The following PCBP3 variants were observed in gnomAD, a reference collection of about 807,000 sequenced individuals.
The protein encoded by PCBP3 is poly(rC) binding protein 3, also known as poly(rC)-binding protein 3.
In PCBP3, 25 loss-of-function variants were observed where a neutral mutation model predicts 52.7. The observed-to-expected ratio is 0.47, with a 90% CI of 0.35 to 0.66. PCBP3 has a LOEUF of 0.66. Ranked by LOEUF, PCBP3 falls within the 30% of genes least tolerant of loss-of-function variation. The pLI, the probability that PCBP3 is intolerant of heterozygous loss-of-function variation, is 0.01. For synonymous variants in PCBP3, 162 were observed against 183.0 expected (o/e 0.89, Z 0.93); for missense variants, 391 against 490.3 (o/e 0.80, Z 1.91).
At chr21:45,655,816 A>G (rs1286487004) in intron 1 of PCBP3, among the ~76,000 whole-genome samples, 1 of 152,244 alleles carries the variant, frequency 6.6e-6, no homozygotes. Context: ...TTTTCAAGAA[A>G]AAAAAACCCA....
chr21:45,767,217 C>T lies in PCBP3; in HGVS notation c.-126+11765C>T, dbSNP rs529876579. On this transcript the variant is annotated intron_variant, in intron 4 of 17. Transcript: ENST00000681687. The stretch of plus-strand genomic sequence containing the variant: ...TGCCCGTTAAGCAGTCCCTCCCAAT[C>T]CCCCCTTTCCCCAGCCCCTGGCAGC... 2.0e-5 allele frequency among the ~76,000 whole-genome samples: 3 copies of T among 152,220 alleles called. No homozygotes were observed. In the East Asian group the frequency reaches 5.8e-4, roughly 29 times the overall value.
At position 45,928,405 on chromosome 21, in the gene PCBP3, C is replaced by T. The variant is rs1483954369; in HGVS notation, c.718-1512C>T. Reference sequence around the variant, plus strand: ...AGGGCTGGGGAGCAGGCCCCCCGATCCTCCCAGGGTACTAGGTACTGAGGA... The same window carrying T: ...AGGGCTGGGGAGCAGGCCCCCCGATTCTCCCAGGGTACTAGGTACTGAGGA... On this transcript the variant is annotated intron_variant, in intron 13 of 17. Transcript: ENST00000681687. The surrounding 1 kb of genome is among the most constrained non-coding windows in gnomAD (Gnocchi z 4.1). 6.6e-6 allele frequency among the ~76,000 whole-genome samples: 1 copy of T among 152,174 alleles called. No individual in the cohort carries two copies. The highest frequency in any genetic ancestry group is 1.5e-5 in the Non-Finnish European group (1 of 68,010).
At chr21:45,908,124 C>T (rs1436420516) in intron 9 of PCBP3, among the ~76,000 whole-genome samples, 4 of 152,136 alleles carry the variant, frequency 2.6e-5, no homozygotes, top group African/African-American at 9.7e-5. Flanking sequence ...AAATGTTCCC[C>T]CAGGGCAGCC....
rs149809550 is a variant in PCBP3, at chr21:45,938,669, G to T, written c.910-1361G>T. Among the ~76,000 whole-genome samples the T allele has an allele frequency of 4.6e-5, 7 of 152,318 alleles. 1 individual carries two copies. The South Asian group carries it at 1.2e-3, about 27-fold the overall frequency. ...GATGTGGGTGGGGTCTGAGAGGTGTGGGGGAGCCCAGAGATGCAGCAGGAG... is the reference window on the plus strand; with the variant it reads ...GATGTGGGTGGGGTCTGAGAGGTGTTGGGGAGCCCAGAGATGCAGCAGGAG... On this transcript the variant is annotated intron_variant, in intron 16 of 17. Coordinates refer to ENST00000681687, the MANE Select transcript of PCBP3 (RefSeq NM_001384156.1).
At chr21:45,867,464 C>A (rs1468899496) in intron 5 of PCBP3, among the ~76,000 whole-genome samples, 1 of 151,080 alleles carries the variant, frequency 6.6e-6, no homozygotes, top group Non-Finnish European at 1.5e-5. Flanking sequence ...CCCTGGCGCA[C>A]CTGCTACCCC....
chr21:45,818,405 G>T (rs961254222), intron 4 of PCBP3, among the ~76,000 whole-genome samples: 2 of 152,134 alleles, frequency 1.3e-5, no homozygotes, highest in Non-Finnish European at 2.9e-5. Context: ...CCAGTGACAC[G>T]TGTCCCTGTC....
chr21:45,726,597 C>T (rs1233169423), intron 2 of PCBP3, among the ~76,000 whole-genome samples: 1 of 152,188 alleles, frequency 6.6e-6, no homozygotes, highest in Non-Finnish European at 1.5e-5. Flanking sequence ...CCCGCCAGGC[C>T]TGTCCATCTG....
At chr21:45,784,606 G>A (rs13047786) in intron 4 of PCBP3, among the ~76,000 whole-genome samples, 26,255 of 151,870 alleles carry the variant, frequency 0.17, 2,845 homozygotes, top group Non-Finnish European at 0.24. Flanking sequence ...AATTGCAGGC[G>A]CGCGCCGCCA....
chr21:45,731,422 C>T (rs940090123), intron 2 of PCBP3, among the ~76,000 whole-genome samples: 57 of 152,308 alleles, frequency 3.7e-4, no homozygotes, highest in African/African-American at 1.2e-3. Context: ...CTTCTACATA[C>T]ATCACAGGTA....
chr21:45,724,608 T>C lies in PCBP3; in HGVS notation c.-199-10784T>C, dbSNP rs1318684899. Among the ~76,000 whole-genome samples the C allele has an allele frequency of 6.6e-6, 1 of 152,118 alleles. No homozygotes were observed. The highest frequency in any genetic ancestry group is 1.5e-5 in the Non-Finnish European group (1 of 68,020). On this transcript the variant is annotated intron_variant, in intron 2 of 17. Coordinates refer to ENST00000681687, the MANE Select transcript of PCBP3 (RefSeq NM_001384156.1). This position sits in a 1 kb window ranked among gnomAD's most constrained non-coding sequence, Gnocchi z 5.3. The stretch of plus-strand genomic sequence containing the variant: ...TGATTTGAGGTGTTAGCGGTGTCAC[T>C]GTAAGTGTGAGAATGAGAAGCGGTG...
At chr21:45,679,081 T>A (rs1346459588) in intron 2 of PCBP3, among the ~76,000 whole-genome samples, 1 of 143,550 alleles carries the variant, frequency 7.0e-6, no homozygotes, top group African/African-American at 2.6e-5. Context: ...TGTTAGCATT[T>A]TTTTTTTTTT....
At chr21:45,785,550 G>A (rs1015828457) in intron 4 of PCBP3, among the ~76,000 whole-genome samples, 1 of 151,454 alleles carries the variant, frequency 6.6e-6, no homozygotes, top group Non-Finnish European at 1.5e-5. Flanking sequence ...CCCCATCCGG[G>A]AGGTGAGGGG....
At chr21:45,691,462 G>A (rs2082474605) in intron 2 of PCBP3, among the ~76,000 whole-genome samples, 1 of 144,952 alleles carries the variant, frequency 6.9e-6, no homozygotes, top group East Asian at 2.0e-4. Flanking sequence ...ATGTATGTGT[G>A]TGTGTGTGTG....
chr21:45,693,352 G>A (rs1022214852), intron 2 of PCBP3, among the ~76,000 whole-genome samples: 42 of 152,194 alleles, frequency 2.8e-4, no homozygotes, highest in African/African-American at 9.9e-4. Context: ...TATAGTATAT[G>A]ATTCCATTAA....
chr21:45,845,510 A>G (rs754472289), intron 4 of PCBP3, among the ~76,000 whole-genome samples: 1 of 147,016 alleles, frequency 6.8e-6, no homozygotes, highest in Admixed American at 6.8e-5. Context: ...CCGCGTGTAC[A>G]CGTTTGTGAG....
chr21:45,693,211 C>T (rs908683550), intron 2 of PCBP3, among the ~76,000 whole-genome samples: 1 of 152,072 alleles, frequency 6.6e-6, no homozygotes, highest in African/African-American at 2.4e-5. Context: ...CACTTACCTC[C>T]TAAGACTACC....
At position 45,803,666 on chromosome 21, in the gene PCBP3, C is replaced by T. The variant is rs557006666; in HGVS notation, c.-125-46295C>T. On this transcript the variant is annotated intron_variant, in intron 4 of 17. Transcript: ENST00000681687. The stretch of plus-strand genomic sequence containing the variant: ...GCACAGTGCTTGGCTCTGATGCCCA[C>T]CCCAGGGTCCCTGGGCACTGCCAAG... Among the ~76,000 whole-genome samples, 7 of 152,320 alleles carry T rather than the reference C, an allele frequency of 4.6e-5. No homozygotes were observed. In the South Asian group the frequency reaches 1.5e-3, roughly 32 times the overall value.
chr21:45,900,450 A>G, intron 7 of PCBP3, 141 bp from the exon 8 acceptor site: 1 of 661,962 alleles, frequency 1.5e-6, no homozygotes, highest in Non-Finnish European at 2.8e-6. Flanking sequence ...CTTAGTGGAG[A>G]GGCTGGTTTG....
Position 45,917,909 on chromosome 21 carries a change from G to A in PCBP3, c.717+280G>A, listed in dbSNP as rs896048802. The A allele has an allele frequency of 1.1e-4, 52 of 468,362 alleles. No homozygotes were observed. The highest frequency in any genetic ancestry group is 9.5e-4 in the African/African-American group (48 of 50,516). The allele number at this position is 468,362 out of a possible 1,614,324, so 29.0% of individuals were successfully genotyped here. On this transcript the variant is annotated intron_variant, in intron 13 of 17. Coordinates refer to ENST00000681687, the MANE Select transcript of PCBP3 (RefSeq NM_001384156.1). The surrounding 1 kb of genome is among the most constrained non-coding windows in gnomAD (Gnocchi z 5.3). The stretch of plus-strand genomic sequence containing the variant: ...CCCACGGGGCCTGGGAGGGAACTGA[G>A]ACGGGCTCTGTCCCCGTGCAGGGCA...
Sources: allele counts gnomAD v4.1 joint callset (sites outside exome capture counted in the v4.1 genomes callset), GRCh38; gene constraint gnomAD v4.1.1; non-coding constraint Gnocchi (gnomAD v3.1); transcripts MANE v1.5; gene names NCBI Gene and HGNC (gene_info 2026-07-23, HGNC 2026-07-21).